The following DYNC1LI2 variants were observed in gnomAD, a reference collection of about 807,000 sequenced individuals.
DYNC1LI2 encodes the protein cytoplasmic dynein 1 light intermediate chain 2.
DYNC1LI2 carries 19 observed loss-of-function variants against 57.8 expected under a neutral mutation model. The observed-to-expected ratio is 0.33, with a 90% CI of 0.23 to 0.48. The LOEUF (loss-of-function observed/expected upper bound fraction) is 0.48, where lower values mean the gene tolerates loss of function less well. Among genes scored for constraint, DYNC1LI2 ranks in the 20% least tolerant of loss-of-function variants. The probability of loss-of-function intolerance (pLI) is 0.99; values close to 1 mark genes in which losing one functional copy is unlikely to be tolerated. For missense variants in DYNC1LI2, 470 were observed against 604.2 expected (o/e 0.78, Z 2.33); for synonymous variants, 256 against 233.4 (o/e 1.10, Z -0.88).
At position 66,720,928 on chromosome 16, in the gene DYNC1LI2, G is replaced by A. The variant is rs2017441732; in HGVS notation, c.*2794C>T. ...TCTGGATTCGTGTTTATTGAAGCCA[G>A]TAATTAGAGACATCTTTTTTTCCCA... On this transcript the variant is annotated 3_prime_UTR_variant, in exon 13 of 13. Coordinates refer to ENST00000258198, the MANE Select transcript of DYNC1LI2 (RefSeq NM_006141.3). 1.3e-5 allele frequency: 2 copies of A among 152,626 alleles called. No individual in the cohort carries two copies. The highest frequency in any genetic ancestry group is 2.4e-5 in the African/African-American group (1 of 41,456). The allele number at this position is 152,626 out of a possible 1,614,324, so 9.5% of individuals were successfully genotyped here.
In DYNC1LI2 at chr16:66,751,543, G is replaced by A. The variant is rs1306229558; in HGVS notation, c.49C>T (p.Pro17Ser). The change falls in exon 1 of 13, where the codon CCC (proline) becomes TCC (serine). Residue 17 changes from proline to serine, a missense_variant. Transcript: ENST00000258198. This position sits in a 1 kb window ranked among gnomAD's most constrained non-coding sequence, Gnocchi z 5.2. ...AGGTCGCCGGCGGCCGCCACCGCGG[G>A]CCCGTTGGGACCTAGCAGCAGCTTC... Reference protein sequence around the residue: ...EKKLLLGPNGPAVAAAGDLTS... With the variant: ...EKKLLLGPNGSAVAAAGDLTS... The A allele has an allele frequency of 2.5e-6, 4 of 1,588,064 alleles. No individual in the cohort carries two copies. The highest frequency in any genetic ancestry group is 1.7e-4 in the Middle Eastern group (1 of 5,972).
At chr16:66,729,151 A>G in intron 8 of DYNC1LI2, 52 bp from the exon 9 acceptor site, 3 of 1,598,802 alleles carry the variant, frequency 1.9e-6, no homozygotes, top group Non-Finnish European at 2.6e-6. Flanking sequence ...ACTCCTAACC[A>G]CTGTCAAACT....
chr16:66,730,434 T>C, intron 7 of DYNC1LI2: 1 of 458,522 alleles, frequency 2.2e-6, no homozygotes, highest in Non-Finnish European at 3.9e-6. Context: ...ACTGAGTTCA[T>C]GGGCCCAAGG....
At chr16:66,725,764 G>T in intron 12 of DYNC1LI2, 64 bp downstream of exon 12, 1 of 1,527,104 alleles carries the variant, frequency 6.5e-7, no homozygotes, top group Non-Finnish European at 8.9e-7. Flanking sequence ...GCAGGTGTCT[G>T]CCTCTCCATC....
chr16:66,736,069 A>T lies in DYNC1LI2; in HGVS notation c.699+6T>A. On this transcript the variant is annotated splice_donor_region_variant and intron_variant, in intron 5 of 12. Transcript: ENST00000258198. ...CCAGCCAAGCCAACAACCCCCTGGC[A>T]CACACCTTTGTGCACACCACCAACA... The T allele has an allele frequency of 6.2e-7, 1 of 1,612,628 alleles. No individual in the cohort carries two copies. The highest frequency in any genetic ancestry group is 8.5e-7 in the Non-Finnish European group (1 of 1,178,842).
chr16:66,740,723 C>T (rs978841440), intron 4 of DYNC1LI2, among the ~76,000 whole-genome samples: 1 of 152,314 alleles, frequency 6.6e-6, no homozygotes, highest in Non-Finnish European at 1.5e-5. Flanking sequence ...GACTGGAACA[C>T]GGATGTGAAG....
At chr16:66,735,237 G>A (rs537081245) in intron 5 of DYNC1LI2, among the ~76,000 whole-genome samples, 18 of 151,522 alleles carry the variant, frequency 1.2e-4, no homozygotes, top group Admixed American at 2.0e-4. Flanking sequence ...GAGTAGCTGG[G>A]ATGACAGGCA....
chr16:66,728,982 A>G (rs570604829), intron 9 of DYNC1LI2, 58 bp downstream of exon 9: 1 of 1,585,314 alleles, frequency 6.3e-7, no homozygotes, highest in African/African-American at 1.3e-5. Context: ...ACCCCACCCT[A>G]GGGACTGGCA....
At chr16:66,747,385 C>T (rs996949244) in intron 3 of DYNC1LI2, among the ~76,000 whole-genome samples, 5 of 152,012 alleles carry the variant, frequency 3.3e-5, no homozygotes, top group African/African-American at 9.7e-5. Context: ...CACCCATGCC[C>T]TCTACTAAAC....
At chr16:66,748,057 C>T (rs534558339) in intron 3 of DYNC1LI2, among the ~76,000 whole-genome samples, 6 of 151,962 alleles carry the variant, frequency 3.9e-5, no homozygotes, top group South Asian at 2.1e-4. Flanking sequence ...GAGGCTGAGG[C>T]GAGCAGACTG....
intron 4 of DYNC1LI2, among the ~76,000 whole-genome samples, chr16:66,737,341 T>C (rs1009452562): frequency 2.0e-5 from 3 of 151,908 alleles, no homozygotes; most frequent in African/African-American, 2.4e-5. Flanking sequence ...CTGGCCAACA[T>C]GGTGAAACCC....
chr16:66,747,155 C>T lies in DYNC1LI2; in HGVS notation c.298+2042G>A, dbSNP rs141083284. Among the ~76,000 whole-genome samples the T allele has an allele frequency of 2.3e-3, 347 of 151,348 alleles. 1 individual carries two copies. Among genetic ancestry groups the T allele is most frequent in the African/African-American group, 7.8e-3 (321 of 41,198 alleles). On this transcript the variant is annotated intron_variant, in intron 3 of 12. Transcript: ENST00000258198. ...AGTGCAGTGGCACAATCTCGGTCACCGCAACCTCTGCCTCCCAGGTTGAAG... is the reference window on the plus strand; with the variant it reads ...AGTGCAGTGGCACAATCTCGGTCACTGCAACCTCTGCCTCCCAGGTTGAAG...
chr16:66,727,618 C>A, intron 11 of DYNC1LI2, 70 bp downstream of exon 11: 1 of 1,481,370 alleles, frequency 6.8e-7, no homozygotes, highest in South Asian at 1.2e-5. Context: ...CTCAGCCACC[C>A]AGCCCCTGCA....
At chr16:66,729,235 A>T (rs775235025) in intron 8 of DYNC1LI2, 136 bp from the exon 9 acceptor site, 1 of 980,592 alleles carries the variant, frequency 1.0e-6, no homozygotes, top group East Asian at 2.4e-5. Flanking sequence ...CTGCAGAGTA[A>T]TATTTTTCTA....
Position 66,749,182 on chromosome 16 carries a change from C to T in DYNC1LI2, c.298+15G>A. ...TGCATACACCCCCTTACCATGGGAC[C>T]AATGCTTCACTCACCATCTCGGTCC... On this transcript the variant is annotated intron_variant, in intron 3 of 12. Transcript: ENST00000258198. The T allele has an allele frequency of 6.2e-7, 1 of 1,613,438 alleles. No homozygotes were observed.
At position 66,751,245 on chromosome 16, in the gene DYNC1LI2, G is replaced by A. The variant is rs759937843; in HGVS notation, c.181+28C>T. 5 of 1,607,034 alleles carry A rather than the reference G, an allele frequency of 3.1e-6. No individual in the cohort carries two copies. The Admixed American group carries it at 5.0e-5, about 16-fold the overall frequency. ...CCCGCCTCGCCCACCCCAGCGACCT[G>A]GGGCAACGCCCCGCCGCCGGCGCTC... On this transcript the variant is annotated intron_variant, in intron 2 of 12. Transcript: ENST00000258198. The surrounding 1 kb of genome is among the most constrained non-coding windows in gnomAD (Gnocchi z 5.2).
chr16:66,729,004 A>T, intron 9 of DYNC1LI2, 36 bp downstream of exon 9: 13 of 1,611,992 alleles, frequency 8.1e-6, no homozygotes, highest in Non-Finnish European at 1.1e-5. Flanking sequence ...TTCATGCATG[A>T]GAAGGCCTCT....
At chr16:66,740,027 T>G (rs1323274769) in intron 4 of DYNC1LI2, among the ~76,000 whole-genome samples, 1 of 152,162 alleles carries the variant, frequency 6.6e-6, no homozygotes, top group Admixed American at 6.5e-5. Context: ...CCTACCTCAT[T>G]TATTGGTTTC....
chr16:66,728,401 G>A (rs76897072), intron 9 of DYNC1LI2, among the ~76,000 whole-genome samples, 159 bp from the exon 10 acceptor site: 5 of 152,086 alleles, frequency 3.3e-5, no homozygotes, highest in South Asian at 4.1e-4. Context: ...TAATTGAGCC[G>A]TTTGGTATAT....
Sources: gnomAD v4.1 joint callset for allele counts (sites outside exome capture counted in the v4.1 genomes callset) on GRCh38, gnomAD v4.1.1 for gene constraint, Gnocchi (gnomAD v3.1) non-coding constraint, MANE v1.5 for transcripts, NCBI Gene and HGNC (gene_info 2026-07-23, HGNC 2026-07-21) for gene names.